Variants in OR4C12 observed in about 807,000 individuals in gnomAD.
OR4C12 encodes the protein olfactory receptor family 4 subfamily C member 12.
In OR4C12, 11 loss-of-function variants were observed where a neutral mutation model predicts 12.3. That is an observed-to-expected ratio of 0.89 (90% CI 0.56 to 1.48). The LOEUF is 1.48. Among genes scored for constraint, OR4C12 ranks in the 40% most tolerant of loss-of-function variants. The pLI, the probability that OR4C12 is intolerant of heterozygous loss-of-function variation, is 0.00. For synonymous variants in OR4C12, 138 were observed against 133.2 expected (o/e 1.04, Z -0.25); for missense variants, 414 against 365.8 (o/e 1.13, Z -1.08).
rs1418752433 is a variant in OR4C12 at position 49,982,201 on chromosome 11, C to G, written c.301G>C (p.Ala101Pro). 3 of 1,614,012 alleles carry G rather than the reference C, an allele frequency of 1.9e-6. No individual in the cohort carries two copies. The highest frequency in any genetic ancestry group is 1.3e-5 in the African/African-American group (1 of 74,922). ...TCAGTAGCACCAAAAATGTGTTCTG[C>G]ATAGGCTTGAGCCATACACCCATTA... ...SFNGCMAQAY[A>P]EHIFGATEII... is the part of the protein sequence containing the mutation. Residue 101 changes from alanine (A) to proline (P), a missense_variant, in exon 1 of 1, where the codon GCA becomes CCA. Physicochemically the swap from Ala to Pro is conservative, Grantham distance 27. Coordinates refer to ENST00000335238, the MANE Select transcript of OR4C12 (RefSeq NM_001005270.4).
Position 49,981,944 on chromosome 11 carries a change from A to T in OR4C12, c.558T>A (p.Val186=), listed in dbSNP as rs782061317. Reference sequence around the variant, plus strand: ...GACCAAGGGTATGAGTGTCTATGCAAACAAGTTTTAACAATGGGTACAAGT... The same window carrying T: ...GACCAAGGGTATGAGTGTCTATGCATACAAGTTTTAACAATGGGTACAAGT... ...MCDLYPLLKL[V]CIDTHTLGLF... Residue 186 remains valine, a synonymous_variant, in exon 1 of 1, where the codon GTT becomes GTA. Transcript: ENST00000335238. The T allele has an allele frequency of 1.2e-6, 2 of 1,614,102 alleles. No individual in the cohort carries two copies. Among genetic ancestry groups the T allele is most frequent in the South Asian group, 2.2e-5 (2 of 91,082 alleles).
In OR4C12 at chr11:49,981,888, C is replaced by A. The variant is rs1854146701; in HGVS notation, c.614G>T (p.Cys205Phe). The A allele has an allele frequency of 6.2e-7, 1 of 1,613,756 alleles. No homozygotes were observed. The highest frequency in any genetic ancestry group is 8.5e-7 in the Non-Finnish European group (1 of 1,179,956). Residue 205 changes from cysteine (C) to phenylalanine (F), a missense_variant, in exon 1 of 1, where the codon TGC (cysteine) becomes TTC (phenylalanine). Coordinates refer to ENST00000335238, the MANE Select transcript of OR4C12 (RefSeq NM_001005270.4). Reference sequence around the variant, plus strand: ...CACCAAGATAAGGAAGTTTAATAAGCAGATAAACCCACTGTTCACAGCAAC... The same window carrying A: ...CACCAAGATAAGGAAGTTTAATAAGAAGATAAACCCACTGTTCACAGCAAC... The part of the protein sequence containing the change: ...LFVAVNSGFI[C>F]LLNFLILVVS...
At position 49,981,588 on chromosome 11, in the gene OR4C12, G is replaced by C. The variant is rs1565197938; in HGVS notation, c.914C>G (p.Thr305Ser). Residue 305 changes from threonine to serine, a missense_variant, in exon 1 of 1, where the codon ACT (threonine) becomes AGT (serine). By Grantham distance (58) the Thr-to-Ser change is moderately conservative. Coordinates refer to ENST00000335238, the MANE Select transcript of OR4C12 (RefSeq NM_001005270.4). Reference protein sequence around the residue: ...AIRKLWRKKVTSDND With the variant: ...AIRKLWRKKVSSDND The stretch of plus-strand genomic sequence containing the variant: ...TGGTCTTATTTAATCATTATCTGAA[G>C]TCACTTTTTTTCTCCAAAGCTTCCT... 6.2e-7 allele frequency: 1 copy of C among 1,605,986 alleles called. No individual in the cohort carries two copies. The highest frequency in any genetic ancestry group is 8.5e-7 in the Non-Finnish European group (1 of 1,173,580).
rs143654947 is a variant in OR4C12 at position 49,981,824 on chromosome 11, A to G, written c.678T>C (p.Asn226=). Residue 226 remains asparagine, a synonymous_variant, in exon 1 of 1, where the codon AAT becomes AAC. Transcript: ENST00000335238. ...YVIILRSLKN[N]SLEGRCKALS... The stretch of plus-strand genomic sequence containing the variant: ...GGGCTTTACACCTCCCCTCCAAGCT[A>G]TTGTTCTTTAAAGATCTCAAGATGA... 1.4e-4 allele frequency: 231 copies of G among 1,613,824 alleles called. No homozygotes were observed. The African/African-American group carries it at 2.8e-3, about 19-fold the overall frequency.
In OR4C12 at chr11:49,981,843, A is replaced by C. The variant is rs782364954; in HGVS notation, c.659T>G (p.Leu220Trp). 1.2e-5 allele frequency: 19 copies of C among 1,613,784 alleles called. No individual in the cohort carries two copies. Among genetic ancestry groups the C allele is most frequent in the Non-Finnish European group, 1.4e-5 (16 of 1,179,862 alleles). Residue 220 changes from leucine (L) to tryptophan (W), a missense_variant, in exon 1 of 1, where the codon TTG becomes TGG. Leu to Trp is a moderately conservative substitution (Grantham distance 61). Transcript: ENST00000335238. ...CAAGCTATTGTTCTTTAAAGATCTC[A>C]AGATGATCACATAGGATACCACCAA... The part of the protein sequence containing the change: ...LILVVSYVII[L>W]RSLKNNSLEG...
At position 49,982,300 on chromosome 11, in the gene OR4C12, C is replaced by T. The variant is rs782378849; in HGVS notation, c.202G>A (p.Asp68Asn). The stretch of plus-strand genomic sequence containing the variant: ...GCTGAAGAAGAAGAATAAACTGTGT[C>T]TATCAAAGAAAGGTGGGTCAGGAAG... The part of the protein sequence containing the change: ...YFFLTHLSLI[D>N]TVYSSSSAPK... The change falls in exon 1 of 1, where the codon GAC becomes AAC. Residue 68 changes from aspartate (D) to asparagine (N), a missense_variant. Asp to Asn is a conservative substitution (Grantham distance 23, BLOSUM62 1). Coordinates refer to ENST00000335238, the MANE Select transcript of OR4C12 (RefSeq NM_001005270.4). 1.9e-6 allele frequency: 3 copies of T among 1,613,904 alleles called. No homozygotes were observed. Among genetic ancestry groups the T allele is most frequent in the Non-Finnish European group, 1.7e-6 (2 of 1,179,958 alleles).
rs1555020306 is a variant in OR4C12, at chr11:49,982,314, T to C, written c.188A>G (p.His63Arg). 2 of 1,613,958 alleles carry C rather than the reference T, an allele frequency of 1.2e-6. No individual in the cohort carries two copies. The highest frequency in any genetic ancestry group is 1.7e-4 in the Middle Eastern group (1 of 6,060). The change falls in exon 1 of 1, where the codon CAC (histidine) becomes CGC (arginine). Residue 63 changes from histidine to arginine, a missense_variant. By Grantham distance (29) the His-to-Arg change is conservative. Coordinates refer to ENST00000335238, the MANE Select transcript of OR4C12 (RefSeq NM_001005270.4). ...LSSPMYFFLT[H>R]LSLIDTVYSS... ...ATAAACTGTGTCTATCAAAGAAAGG[T>C]GGGTCAGGAAGAAGTACATGGGGGA...
Position 49,981,560 on chromosome 11 carries a change from C to G in OR4C12, c.*12G>C, listed in dbSNP as rs782713156. The G allele has an allele frequency of 6.6e-7, 1 of 1,510,448 alleles. No individual in the cohort carries two copies. Among genetic ancestry groups the G allele is most frequent in the Admixed American group, 1.7e-5 (1 of 58,336 alleles). The allele number at this position is 1,510,448 out of a possible 1,614,324, so 93.6% of individuals were successfully genotyped here. On this transcript the variant is annotated 3_prime_UTR_variant, in exon 1 of 1. Transcript: ENST00000335238. ...ACCTATTACCTCTATGTTGAGTGCT[C>G]AATGGTCTTATTTAATCATTATCTG...
rs148765699 is a variant in OR4C12, at chr11:49,981,730, G to A, written c.772C>T (p.Arg258Cys). 4.8e-4 allele frequency: 768 copies of A among 1,613,712 alleles called. 3 individuals are homozygous for A. The African/African-American group carries it at 7.1e-3, about 15-fold the overall frequency. Reference sequence around the variant, plus strand: ...TCAATGGGCAGAGTGGTCACTGAGCGCAGATACACAAATATACAGGGCACA... The same window carrying A: ...TCAATGGGCAGAGTGGTCACTGAGCACAGATACACAAATATACAGGGCACA... ...FFVPCIFVYL[R>C]SVTTLPIDKA... Residue 258 changes from arginine to cysteine, a missense_variant, in exon 1 of 1, where the codon CGC (arginine) becomes TGC (cysteine). Arg to Cys is a radical substitution (Grantham distance 180, BLOSUM62 -3). Coordinates refer to ENST00000335238, the MANE Select transcript of OR4C12 (RefSeq NM_001005270.4).
rs559193193 is a variant in OR4C12 at position 49,981,760 on chromosome 11, A to G, written c.742T>C (p.Phe248Leu). Residue 248 changes from phenylalanine to leucine, a missense_variant, in exon 1 of 1, where the codon TTC becomes CTC. Physicochemically the swap from Phe to Leu is conservative, Grantham distance 22 (BLOSUM62 0). Coordinates refer to ENST00000335238, the MANE Select transcript of OR4C12 (RefSeq NM_001005270.4). ...TACACAAATATACAGGGCACAAAGA[A>G]TAAGACAACTACTATGATGTGAGAA... ...CISHIIVVVL[F>L]FVPCIFVYLR... 6.2e-7 allele frequency: 1 copy of G among 1,614,034 alleles called. No individual in the cohort carries two copies. Among genetic ancestry groups the G allele is most frequent in the Non-Finnish European group, 8.5e-7 (1 of 1,179,958 alleles).
In OR4C12 at chr11:49,981,834, A is replaced by G. The variant is rs782213359; in HGVS notation, c.668T>C (p.Leu223Ser). 6.2e-7 allele frequency: 1 copy of G among 1,614,004 alleles called. No individual in the cohort carries two copies. The highest frequency in any genetic ancestry group is 8.5e-7 in the Non-Finnish European group (1 of 1,179,960). ...CCTCCCCTCCAAGCTATTGTTCTTT[A>G]AAGATCTCAAGATGATCACATAGGA... ...VVSYVIILRS[L>S]KNNSLEGRCK... is the part of the protein sequence containing the mutation. Residue 223 changes from leucine to serine, a missense_variant, in exon 1 of 1, where the codon TTA becomes TCA. By Grantham distance (145) the Leu-to-Ser change is moderately radical. Coordinates refer to ENST00000335238, the MANE Select transcript of OR4C12 (RefSeq NM_001005270.4).
Position 49,981,541 on chromosome 11 carries a change from T to C in OR4C12, c.*31A>G, listed in dbSNP as rs1430365325. The C allele has an allele frequency of 7.9e-7, 1 of 1,264,382 alleles. No individual in the cohort carries two copies. The highest frequency in any genetic ancestry group is 1.1e-6 in the Non-Finnish European group (1 of 882,824). 78.3% of individuals were successfully genotyped at this position (1,264,382 alleles called of 1,614,324 possible). ...CAAATCAAGAAGCTTAAATACCTATTACCTCTATGTTGAGTGCTCAATGGT... is the reference window on the plus strand; with the variant it reads ...CAAATCAAGAAGCTTAAATACCTATCACCTCTATGTTGAGTGCTCAATGGT... On this transcript the variant is annotated 3_prime_UTR_variant, in exon 1 of 1. Coordinates refer to ENST00000335238, the MANE Select transcript of OR4C12 (RefSeq NM_001005270.4).
Position 49,981,800 on chromosome 11 carries a change from G to A in OR4C12, c.702C>T (p.Ala234=), listed in dbSNP as rs1555020090. 11 of 1,610,924 alleles carry A rather than the reference G, an allele frequency of 6.8e-6. No homozygotes were observed. The East Asian group carries it at 2.2e-4, about 33-fold the overall frequency. ...TGATGTGAGAAATACAGGTGGAGAG[G>A]GCTTTACACCTCCCCTCCAAGCTAT... ...KNNSLEGRCK[A]LSTCISHIIV... is the part of the protein sequence containing the mutation. Residue 234 remains alanine (A), a synonymous_variant, in exon 1 of 1, where the codon GCC becomes GCT. Transcript: ENST00000335238.
rs1258565144 is a variant in OR4C12 at position 49,982,402 on chromosome 11, T to C, written c.100A>G (p.Met34Val). 4 of 1,613,782 alleles carry C rather than the reference T, an allele frequency of 2.5e-6. No homozygotes were observed. Among genetic ancestry groups the C allele is most frequent in the East Asian group, 4.5e-5 (2 of 44,894 alleles). ...AGCAGGTTGCCTGAAAGTGTTATCA[T>C]GTAAAGAACCAAAAATACTACAAAC... Reference protein sequence around the residue: ...VTFVVFLVLYMITLSGNLLIV... With the variant: ...VTFVVFLVLYVITLSGNLLIV... Residue 34 changes from methionine to valine, a missense_variant, in exon 1 of 1, where the codon ATG becomes GTG. Transcript: ENST00000335238.
rs1854153889 is a variant in OR4C12, at chr11:49,982,224, T to G, written c.278A>C (p.Asn93Thr). ...SFQEKKIISF[N>T]GCMAQAYAEH... Reference sequence around the variant, plus strand: ...TGCATAGGCTTGAGCCATACACCCATTAAAGGAGATGATTTTCTTCTCTTG... The same window carrying G: ...TGCATAGGCTTGAGCCATACACCCAGTAAAGGAGATGATTTTCTTCTCTTG... Residue 93 changes from asparagine (N) to threonine (T), a missense_variant, in exon 1 of 1, where the codon AAT becomes ACT. Coordinates refer to ENST00000335238, the MANE Select transcript of OR4C12 (RefSeq NM_001005270.4). The G allele has an allele frequency of 2.5e-6, 4 of 1,613,900 alleles. No homozygotes were observed. Among genetic ancestry groups the G allele is most frequent in the African/African-American group, 2.7e-5 (2 of 74,866 alleles).
rs554537041 is a variant in OR4C12, at chr11:49,981,607, G to T, written c.895C>A (p.Leu299Ile). ...TCTGAAGTCACTTTTTTTCTCCAAA[G>T]CTTCCTTATTGCACTTTTTACCTCA... The part of the protein sequence containing the change: ...NAEVKSAIRK[L>I]WRKKVTSDND Residue 299 changes from leucine to isoleucine, a missense_variant, in exon 1 of 1, where the codon CTT (leucine) becomes ATT (isoleucine). Coordinates refer to ENST00000335238, the MANE Select transcript of OR4C12 (RefSeq NM_001005270.4). 26 of 1,610,138 alleles carry T rather than the reference G, an allele frequency of 1.6e-5. No individual in the cohort carries two copies. The highest frequency in any genetic ancestry group is 5.4e-5 in the African/African-American group (4 of 74,714).
chr11:49,982,020 G>A lies in OR4C12; in HGVS notation c.482C>T (p.Thr161Ile), dbSNP rs1168197944. Residue 161 changes from threonine to isoleucine, a missense_variant, in exon 1 of 1, where the codon ACA becomes ATA. Coordinates refer to ENST00000335238, the MANE Select transcript of OR4C12 (RefSeq NM_001005270.4). ...GGGGCCACAGAAGGGCAGCCATACT[G>A]TAAAGAGAATCTGAATAGTTGCATG... ...FLHATIQILF[T>I]VWLPFCGPNV... 6.2e-7 allele frequency: 1 copy of A among 1,614,022 alleles called. No homozygotes were observed. Among genetic ancestry groups the A allele is most frequent in the East Asian group, 2.2e-5 (1 of 44,896 alleles).
Position 49,981,778 on chromosome 11 carries a change from T to C in OR4C12, c.724A>G (p.Ile242Val), listed in dbSNP as rs1280436286. The stretch of plus-strand genomic sequence containing the variant: ...ACAAAGAATAAGACAACTACTATGA[T>C]GTGAGAAATACAGGTGGAGAGGGCT... Reference protein sequence around the residue: ...CKALSTCISHIIVVVLFFVPC... With the variant: ...CKALSTCISHVIVVVLFFVPC... The change falls in exon 1 of 1, where the codon ATC becomes GTC. Residue 242 changes from isoleucine (I) to valine (V), a missense_variant. By Grantham distance (29) the Ile-to-Val change is conservative. Coordinates refer to ENST00000335238, the MANE Select transcript of OR4C12 (RefSeq NM_001005270.4). The C allele has an allele frequency of 6.2e-7, 1 of 1,613,798 alleles. No individual in the cohort carries two copies. Among genetic ancestry groups the C allele is most frequent in the Non-Finnish European group, 8.5e-7 (1 of 1,179,864 alleles).
Position 49,982,331 on chromosome 11 carries a change from C to T in OR4C12, c.171G>A (p.Met57Ile), listed in dbSNP as rs782212569. The change falls in exon 1 of 1, where the codon ATG (methionine) becomes ATA (isoleucine). Residue 57 changes from methionine (M) to isoleucine (I), a missense_variant. Coordinates refer to ENST00000335238, the MANE Select transcript of OR4C12 (RefSeq NM_001005270.4). Reference sequence around the variant, plus strand: ...AAGAAAGGTGGGTCAGGAAGAAGTACATGGGGGAGCTCAGAGCCTGGCTGG... The same window carrying T: ...AAGAAAGGTGGGTCAGGAAGAAGTATATGGGGGAGCTCAGAGCCTGGCTGG... ...ITTSQALSSPMYFFLTHLSLI... is the reference protein window; with the variant it reads ...ITTSQALSSPIYFFLTHLSLI... The T allele has an allele frequency of 6.2e-7, 1 of 1,613,940 alleles. No homozygotes were observed. Among genetic ancestry groups the T allele is most frequent in the African/African-American group, 1.3e-5 (1 of 74,896 alleles).
Sources: gnomAD v4.1 joint callset for allele counts on GRCh38, gnomAD v4.1.1 for gene constraint, MANE v1.5 for transcripts, NCBI Gene and HGNC (gene_info 2026-07-23, HGNC 2026-07-21) for gene names.